SLC71A2: variants seen among roughly 807,000 people sequenced by gnomAD.
The protein encoded by SLC71A2 is solute carrier family 71 member 2.
chr9:94,423,845 T>TGACAAA, the SLC71A2 span, among the ~76,000 whole-genome samples: 38 of 152,220 alleles, frequency 2.5e-4, no homozygotes, highest in African/African-American at 8.0e-4. Context: ...TCTTAATGCC[T>TGACAAA]TTGGATGACA....
At chr9:94,381,611 A>T in the SLC71A2 span, among the ~76,000 whole-genome samples, 1 of 152,192 alleles carries the variant, frequency 6.6e-6, no homozygotes, top group Non-Finnish European at 1.5e-5. Context: ...TTTGTACAGA[A>T]TACACTTTTT....
chr9:94,428,223 TA>T, the SLC71A2 span, among the ~76,000 whole-genome samples: 1 of 151,708 alleles, frequency 6.6e-6, no homozygotes, highest in Admixed American at 6.6e-5. Flanking sequence ...CAAATCAAGT[TA>T]TTCAACAGTT....
chr9:94,450,944 C>T, the SLC71A2 span, among the ~76,000 whole-genome samples: 1 of 152,138 alleles, frequency 6.6e-6, no homozygotes. Context: ...CATACCTGTG[C>T]CCGGGTCATA....
the SLC71A2 span, chr9:94,456,230 G>A: frequency 6.2e-7 from 1 of 1,611,692 alleles, no homozygotes; most frequent in East Asian, 2.2e-5. Context: ...TGCCTGTCCT[G>A]TCATTGCAGG....
chr9:94,459,052 AAT>A, the SLC71A2 span: 1 of 1,158,094 alleles, frequency 8.6e-7, no homozygotes, highest in Non-Finnish European at 1.2e-6. Context: ...TGCTTATGAG[AAT>A]ATGATTCACT....
the SLC71A2 span, among the ~76,000 whole-genome samples, chr9:94,451,946 G>C: frequency 1.3e-5 from 2 of 152,258 alleles, no homozygotes; most frequent in South Asian, 4.1e-4. Context: ...GGAAGCCACA[G>C]TGGTTCCCCA....
the SLC71A2 span, among the ~76,000 whole-genome samples, chr9:94,414,904 C>G: frequency 6.6e-6 from 1 of 152,056 alleles, no homozygotes; most frequent in Admixed American, 6.5e-5. Context: ...GTGATCTGCC[C>G]GCCTTGGCCT....
the SLC71A2 span, among the ~76,000 whole-genome samples, chr9:94,444,029 T>C: frequency 6.6e-6 from 1 of 152,172 alleles, no homozygotes; most frequent in African/African-American, 2.4e-5. Context: ...ATATACTGTG[T>C]TTTTTAATTC....
the SLC71A2 span, among the ~76,000 whole-genome samples, chr9:94,434,859 A>G: frequency 5.9e-5 from 9 of 152,210 alleles, no homozygotes; most frequent in Non-Finnish European, 1.3e-4. Flanking sequence ...CACAGCTGCA[A>G]TTGCTCAAAC....
chr9:94,397,880 T>A, the SLC71A2 span, among the ~76,000 whole-genome samples: 1 of 152,258 alleles, frequency 6.6e-6, no homozygotes, highest in Non-Finnish European at 1.5e-5. Flanking sequence ...CTTGATCACC[T>A]GGCTGAGATA....
At chr9:94,400,820 A>G in the SLC71A2 span, among the ~76,000 whole-genome samples, 1 of 152,200 alleles carries the variant, frequency 6.6e-6, no homozygotes, top group African/African-American at 2.4e-5. Flanking sequence ...TCATTAAAAT[A>G]TCATACAGAA....
chr9:94,460,097 C>T, the SLC71A2 span: 2 of 152,178 alleles, frequency 1.3e-5, no homozygotes, highest in African/African-American at 4.8e-5. Flanking sequence ...TCATGTAAAA[C>T]TCAACAACTC....
At chr9:94,441,568 A>T in the SLC71A2 span, among the ~76,000 whole-genome samples, 5 of 152,200 alleles carry the variant, frequency 3.3e-5, no homozygotes, top group South Asian at 2.1e-4. Flanking sequence ...TGAATTTTTT[A>T]AAAAATTAGT....
chr9:94,415,760 G>A, the SLC71A2 span, among the ~76,000 whole-genome samples: 1 of 152,108 alleles, frequency 6.6e-6, no homozygotes, highest in African/African-American at 2.4e-5. Flanking sequence ...TAATGCCGCT[G>A]CTGATCTGAC....
the SLC71A2 span, among the ~76,000 whole-genome samples, chr9:94,443,913 A>C: frequency 6.6e-6 from 1 of 152,214 alleles, no homozygotes; most frequent in Non-Finnish European, 1.5e-5. Context: ...AATATTGAAC[A>C]AAGGATTCCT....
chr9:94,385,573 T>C, the SLC71A2 span, among the ~76,000 whole-genome samples: 2 of 152,246 alleles, frequency 1.3e-5, no homozygotes, highest in Middle Eastern at 6.8e-3. Context: ...GGTCCAGCTT[T>C]ACTCTTTCAC....
the SLC71A2 span, chr9:94,429,079 A>G: frequency 1.4e-6 from 2 of 1,456,316 alleles, no homozygotes; most frequent in Non-Finnish European, 1.8e-6. Context: ...TTGATATTTT[A>G]TAATTTTTCA....
chr9:94,390,224 A>G, the SLC71A2 span, among the ~76,000 whole-genome samples: 1 of 151,514 alleles, frequency 6.6e-6, no homozygotes, highest in African/African-American at 2.4e-5. Context: ...AAAGAAAAAT[A>G]AAGGTTCTCG....
At chr9:94,454,396 C>G in the SLC71A2 span, among the ~76,000 whole-genome samples, 1 of 152,020 alleles carries the variant, frequency 6.6e-6, no homozygotes. Context: ...GAGACGGAGT[C>G]TCACTCTGTT....
Sources: allele counts gnomAD v4.1 joint callset (sites outside exome capture counted in the v4.1 genomes callset), GRCh38; gene constraint gnomAD v4.1.1; transcripts MANE v1.5; gene names NCBI Gene and HGNC (gene_info 2026-07-23, HGNC 2026-07-21).